The following MYH15 variants were observed in gnomAD, a reference collection of about 807,000 sequenced individuals.
MYH15 encodes myosin heavy chain 15, also known as myosin-15.
Under a neutral mutation model 240.5 loss-of-function variants are expected in MYH15, and 227 were observed. The ratio of observed to expected loss-of-function variants is 0.94; its 90% CI spans 0.85 to 1.05. The LOEUF (loss-of-function observed/expected upper bound fraction) is 1.05, where lower values mean the gene tolerates loss of function less well. MYH15 is among the 50% of genes least tolerant of loss of function. The probability of loss-of-function intolerance (pLI) is 0.00; values close to 1 mark genes in which losing one functional copy is unlikely to be tolerated. For missense variants in MYH15, 2,217 were observed against 2,247.5 expected (o/e 0.99, Z 0.27); for synonymous variants, 785 against 796.7 (o/e 0.99, Z 0.25).
chr3:108,506,570 C>G (rs2083477480), intron 1 of MYH15, among the ~76,000 whole-genome samples: 1 of 152,098 alleles, frequency 6.6e-6, no homozygotes, highest in African/African-American at 2.4e-5. Context: ...AGCAGATAGA[C>G]AGTGATGATG....
intron 40 of MYH15, 144 bp downstream of exon 40, chr3:108,383,451 A>G (rs1165588970): frequency 1.5e-5 from 12 of 815,556 alleles, no homozygotes; most frequent in Admixed American, 3.1e-5. Flanking sequence ...AAACATGGGA[A>G]GATTTTATTG....
chr3:108,513,660 G>A (rs1242938998), upstream of MYH15, among the ~76,000 whole-genome samples: 3 of 152,100 alleles, frequency 2.0e-5, no homozygotes, highest in Non-Finnish European at 4.4e-5. Context: ...ATCTAAGACT[G>A]ACCCAAGTGA....
chr3:108,513,842 G>A (rs1028148914), upstream of MYH15, among the ~76,000 whole-genome samples: 3 of 152,194 alleles, frequency 2.0e-5, no homozygotes, highest in Non-Finnish European at 4.4e-5. Flanking sequence ...TGGATTCGGA[G>A]AAAGACATTA....
At chr3:108,535,565 T>C in the MYH15 span, among the ~76,000 whole-genome samples, 1 of 152,110 alleles carries the variant, frequency 6.6e-6, no homozygotes, top group African/African-American at 2.4e-5. Flanking sequence ...AAACATTCAG[T>C]CTATAGCAGT....
rs1338462792 is a variant in MYH15 at position 108,439,763 on chromosome 3, G to A, written c.3049C>T (p.Leu1017=). Residue 1017 remains leucine, a synonymous_variant, in exon 24 of 41, where the codon CTG becomes TTG. Transcript: ENST00000693548. The part of the protein sequence containing the change: ...EKLSSLSKAN[L]KLEQQVDELE... Reference sequence around the variant, plus strand: ...TCATCAACTTGCTGTTCCAGCTTCAGATTTGCTTTGCTCAGGCTGCTGAGC... The same window carrying A: ...TCATCAACTTGCTGTTCCAGCTTCAAATTTGCTTTGCTCAGGCTGCTGAGC... 6.2e-7 allele frequency: 1 copy of A among 1,606,810 alleles called. No individual in the cohort carries two copies. The highest frequency in any genetic ancestry group is 8.5e-7 in the Non-Finnish European group (1 of 1,177,250).
the MYH15 span, among the ~76,000 whole-genome samples, chr3:108,537,016 T>C: frequency 6.6e-6 from 1 of 152,288 alleles, no homozygotes; most frequent in African/African-American, 2.4e-5. Context: ...CTCTTCAGAG[T>C]AGGAATGTAT....
In MYH15 at chr3:108,394,092, G is replaced by C. The variant is rs1355641609; in HGVS notation, c.5198C>G (p.Ala1733Gly). ...TTGACACTCCTGCACCACCTCTTCA[G>C]CTTCTTTCTGCATCCGGGCAACATC... The part of the protein sequence containing the change: ...EADVARMQKE[A>G]EEVVQECQNA... Residue 1733 changes from alanine to glycine, a missense_variant, in exon 36 of 41, where the codon GCT becomes GGT. Physicochemically the swap from Ala to Gly is moderately conservative, Grantham distance 60. Coordinates refer to ENST00000693548, the MANE Select transcript of MYH15 (RefSeq NM_014981.3). 4.3e-6 allele frequency: 7 copies of C among 1,614,090 alleles called. No individual in the cohort carries two copies. Among genetic ancestry groups the C allele is most frequent in the Non-Finnish European group, 5.9e-6 (7 of 1,179,976 alleles).
rs1430004461 is a variant in MYH15 at position 108,388,958 on chromosome 3, T to C, written c.5535+12A>G. On this transcript the variant is annotated intron_variant, in intron 38 of 40. Coordinates refer to ENST00000693548, the MANE Select transcript of MYH15 (RefSeq NM_014981.3). The stretch of plus-strand genomic sequence containing the variant: ...CCCAGCCAGACAAACAGGGAATGGT[T>C]TCCTGGAGTACCTGATAGGTCAGCT... The C allele has an allele frequency of 7.4e-6, 12 of 1,611,872 alleles. No homozygotes were observed. The highest frequency in any genetic ancestry group is 1.3e-5 in the African/African-American group (1 of 74,918).
upstream of MYH15, among the ~76,000 whole-genome samples, chr3:108,532,246 C>T (rs141364035): frequency 9.9e-5 from 15 of 151,564 alleles, no homozygotes; most frequent in South Asian, 2.5e-3. Flanking sequence ...TGTTTCTGGA[C>T]GAGATTAACA....
chr3:108,514,304 GTAGTTCTTT>G (rs2107258616), upstream of MYH15, among the ~76,000 whole-genome samples: 1 of 152,276 alleles, frequency 6.6e-6, no homozygotes, highest in Non-Finnish European at 1.5e-5. Flanking sequence ...TGTAGTGCCT[GTAGTTCTTT>G]TAGAAATTCA....
chr3:108,492,599 G>C lies in MYH15; in HGVS notation c.776-4C>G, dbSNP rs528423444. On this transcript the variant is annotated splice_region_variant and splice_polypyrimidine_tract_variant and intron_variant, in intron 8 of 40. Transcript: ENST00000693548. ...ACCCTGGACTTTTCAAGCAAATCTGGATGATGAGAAATGAATAAAAATTCA... is the reference window on the plus strand; with the variant it reads ...ACCCTGGACTTTTCAAGCAAATCTGCATGATGAGAAATGAATAAAAATTCA... 4.4e-6 allele frequency: 7 copies of C among 1,606,098 alleles called. No homozygotes were observed. Among genetic ancestry groups the C allele is most frequent in the Non-Finnish European group, 6.0e-6 (7 of 1,173,582 alleles).
intron 12 of MYH15, among the ~76,000 whole-genome samples, chr3:108,475,692 A>G (rs1163778139): frequency 1.3e-5 from 2 of 152,176 alleles, no homozygotes; most frequent in Non-Finnish European, 2.9e-5. Context: ...TGTCACTGAG[A>G]TTTTAGTGTG....
At chr3:108,482,102 G>A (rs553145151) in intron 11 of MYH15, among the ~76,000 whole-genome samples, 1 of 152,258 alleles carries the variant, frequency 6.6e-6, no homozygotes, top group South Asian at 2.1e-4. Flanking sequence ...GATAAGTTGT[G>A]AGCTTTTGGA....
At chr3:108,503,928 A>T (rs1257576136) in intron 2 of MYH15, among the ~76,000 whole-genome samples, 1 of 152,272 alleles carries the variant, frequency 6.6e-6, no homozygotes, top group Non-Finnish European at 1.5e-5. Context: ...ATGGATGAAC[A>T]ACATGGTATA....
At chr3:108,434,858 T>A (rs2082818108) in intron 25 of MYH15, among the ~76,000 whole-genome samples, 1 of 152,208 alleles carries the variant, frequency 6.6e-6, no homozygotes, top group Admixed American at 6.5e-5. Context: ...CAGTGTGAGA[T>A]CATTGCTTCT....
At chr3:108,527,543 T>C (rs1395872690) in intron 1 of MYH15, among the ~76,000 whole-genome samples, 1 of 152,212 alleles carries the variant, frequency 6.6e-6, no homozygotes, top group African/African-American at 2.4e-5. Flanking sequence ...TTTAAAAAAA[T>C]CATCTCCTAT....
intron 7 of MYH15, among the ~76,000 whole-genome samples, chr3:108,494,640 C>T (rs145923227): frequency 2.2e-4 from 34 of 152,128 alleles, no homozygotes; most frequent in African/African-American, 7.5e-4. Flanking sequence ...ACTACAGGTG[C>T]GCACCACCAC....
chr3:108,545,901 T>C, the MYH15 span, among the ~76,000 whole-genome samples: 1 of 152,154 alleles, frequency 6.6e-6, no homozygotes, highest in Non-Finnish European at 1.5e-5. Context: ...CAATCTCCTA[T>C]TACTGTATAA....
In MYH15 at chr3:108,454,119, C is replaced by G; in HGVS notation, c.2286G>C (p.Leu762=). 9.3e-6 allele frequency: 15 copies of G among 1,609,656 alleles called. No homozygotes were observed. Among genetic ancestry groups the G allele is most frequent in the Non-Finnish European group, 1.2e-5 (14 of 1,177,012 alleles). ...ITKVFFKAGF[L]GQLEAIRDER... ...CATCTCTTATTGCTTCCAGTTGGCCCAGAAACCCAGCTTTAAAAAACACCT... is the reference window on the plus strand; with the variant it reads ...CATCTCTTATTGCTTCCAGTTGGCCGAGAAACCCAGCTTTAAAAAACACCT... The change falls in exon 21 of 41, where the codon CTG becomes CTC. Residue 762 remains leucine, a synonymous_variant. Transcript: ENST00000693548.
Sources: allele counts gnomAD v4.1 joint callset (sites outside exome capture counted in the v4.1 genomes callset), GRCh38; gene constraint gnomAD v4.1.1; transcripts MANE v1.5; gene names NCBI Gene and HGNC (gene_info 2026-07-23, HGNC 2026-07-21).